MDGA2: variants seen among roughly 807,000 people sequenced by gnomAD.
MDGA2 encodes MAM domain-containing glycosylphosphatidylinositol anchor protein 2.
Under a neutral mutation model 117.8 loss-of-function variants are expected in MDGA2, and 40 were observed. That is an observed-to-expected ratio of 0.34 (90% CI 0.26 to 0.44). The LOEUF (loss-of-function observed/expected upper bound fraction) is 0.44, where lower values mean the gene tolerates loss of function less well. MDGA2 is among the 20% of genes least tolerant of loss of function. MDGA2 has a pLI of 1.00. For missense variants in MDGA2, 1,123 were observed against 1,250.6 expected (o/e 0.90, Z 1.54); for synonymous variants, 452 against 439.0 (o/e 1.03, Z -0.37).
rs1895797132 is a variant in MDGA2, at chr14:47,561,153, G to GGTTTTTTTTTTTTT, written c.280+113363_280+113364insAAAAAAAAAAAAAC. On this transcript the variant is annotated intron_variant, in intron 1 of 16. Transcript: ENST00000399232. ...TACCTCTATCTTTGTTTTTTTTTTT[G>GGTTTTTTTTTTTTT]TTTTGTTTTGTTTTTTTGTTTGTTT... Among the ~76,000 whole-genome samples, 49 of 63,880 alleles carry GGTTTTTTTTTTTTT rather than the reference G, an allele frequency of 7.7e-4. 4 individuals carry two copies. Among genetic ancestry groups the GGTTTTTTTTTTTTT allele is most frequent in the East Asian group, 1.4e-3 (1 of 692 alleles). 41.9% of individuals were successfully genotyped at this position (63,880 alleles called of 152,430 possible). A position where few individuals can be genotyped will look rare whatever the true frequency, so the allele number is the denominator to read the frequency against.
intron 12 of MDGA2, 94 bp downstream of exon 12, chr14:46,877,395 A>C: frequency 4.4e-6 from 3 of 674,348 alleles, no homozygotes; most frequent in Non-Finnish European, 7.2e-6. Context: ...AAACCAACTA[A>C]GAATAGTTAC....
At chr14:47,109,993 T>C (rs182874578) in intron 5 of MDGA2, among the ~76,000 whole-genome samples, 2 of 152,244 alleles carry the variant, frequency 1.3e-5, no homozygotes, top group East Asian at 3.9e-4. Context: ...CTACAAACAC[T>C]GTGAAATAGT....
At chr14:47,205,299 C>T (rs1205625995) in intron 3 of MDGA2, among the ~76,000 whole-genome samples, 1 of 152,060 alleles carries the variant, frequency 6.6e-6, no homozygotes, top group Admixed American at 6.5e-5. Context: ...TTCCCCTCAG[C>T]TTCTGTAACA....
At chr14:46,941,889 T>C (rs1885014223) in intron 9 of MDGA2, among the ~76,000 whole-genome samples, 1 of 152,208 alleles carries the variant, frequency 6.6e-6, no homozygotes, top group African/African-American at 2.4e-5. Flanking sequence ...GAGCAAGCTG[T>C]AAGACACAGT....
chr14:47,180,802 T>A (rs1884671113), intron 3 of MDGA2, among the ~76,000 whole-genome samples: 1 of 152,020 alleles, frequency 6.6e-6, no homozygotes, highest in Non-Finnish European at 1.5e-5. Context: ...GCGCCTGTAG[T>A]CCCAGCAACT....
At chr14:47,205,895 C>A (rs906695482) in intron 3 of MDGA2, among the ~76,000 whole-genome samples, 16 of 151,962 alleles carry the variant, frequency 1.1e-4, no homozygotes, top group South Asian at 2.1e-4. Flanking sequence ...CTGAGTCACA[C>A]AAAATCTGCG....
intron 1 of MDGA2, among the ~76,000 whole-genome samples, chr14:47,549,891 C>T (rs551892519): frequency 1.1e-4 from 17 of 152,286 alleles, no homozygotes; most frequent in Admixed American, 8.5e-4. Context: ...CCCTGATCTG[C>T]GACTTCTGGC....
chr14:47,117,530 G>C (rs1306398192), intron 5 of MDGA2, among the ~76,000 whole-genome samples: 1 of 152,102 alleles, frequency 6.6e-6, no homozygotes, highest in African/African-American at 2.4e-5. Flanking sequence ...AATGAATATA[G>C]AAAATGTGGT....
At chr14:47,168,301 A>C (rs1016453059) in intron 3 of MDGA2, among the ~76,000 whole-genome samples, 1 of 151,628 alleles carries the variant, frequency 6.6e-6, no homozygotes, top group Non-Finnish European at 1.5e-5. Flanking sequence ...AAAAAAAAAA[A>C]AAAACCTTAA....
intron 1 of MDGA2, among the ~76,000 whole-genome samples, chr14:47,640,569 T>C (rs1897405335): frequency 6.6e-6 from 1 of 152,114 alleles, no homozygotes; most frequent in Non-Finnish European, 1.5e-5. Flanking sequence ...TTTTAGCATA[T>C]CATAAAAGCC....
chr14:46,962,967 G>C (rs1339047511), intron 8 of MDGA2, among the ~76,000 whole-genome samples: 1 of 152,180 alleles, frequency 6.6e-6, no homozygotes, highest in African/African-American at 2.4e-5. Flanking sequence ...TAGAGAACAA[G>C]AGTGGTCAAA....
chr14:46,973,417 T>C (rs1886341453), intron 8 of MDGA2, among the ~76,000 whole-genome samples: 1 of 152,116 alleles, frequency 6.6e-6, no homozygotes, highest in African/African-American at 2.4e-5. Context: ...CATAATCCTA[T>C]TGTGCAGCTT....
At chr14:46,936,839 C>A (rs879380476) in intron 9 of MDGA2, among the ~76,000 whole-genome samples, 1 of 151,888 alleles carries the variant, frequency 6.6e-6, no homozygotes, top group Non-Finnish European at 1.5e-5. Context: ...TAACATCATA[C>A]TGAATGAAGA....
At chr14:47,347,033 T>A (rs763667224) in intron 1 of MDGA2, among the ~76,000 whole-genome samples, 19 of 152,164 alleles carry the variant, frequency 1.2e-4, no homozygotes, top group Non-Finnish European at 2.8e-4. Flanking sequence ...ACACAACCAC[T>A]GTGTTTAAGG....
chr14:47,233,762 A>G (rs937010565), intron 2 of MDGA2, among the ~76,000 whole-genome samples: 2 of 152,166 alleles, frequency 1.3e-5, no homozygotes, highest in Non-Finnish European at 2.9e-5. Context: ...TTGACCTGAT[A>G]GTATATTAGA....
At chr14:47,085,717 A>G (rs1315967070) in intron 6 of MDGA2, among the ~76,000 whole-genome samples, 1 of 152,028 alleles carries the variant, frequency 6.6e-6, no homozygotes, top group Non-Finnish European at 1.5e-5. Flanking sequence ...ACAACTTTAT[A>G]TTAATAAACT....
intron 3 of MDGA2, among the ~76,000 whole-genome samples, chr14:47,161,759 C>A (rs561013371): frequency 4.0e-5 from 6 of 151,556 alleles, no homozygotes; most frequent in African/African-American, 1.5e-4. Context: ...CTTTTTATTT[C>A]TTCTTTTCTC....
intron 8 of MDGA2, among the ~76,000 whole-genome samples, chr14:47,026,064 T>C (rs1302963579): frequency 6.6e-6 from 1 of 152,146 alleles, no homozygotes; most frequent in African/African-American, 2.4e-5. Context: ...TGTCACATAA[T>C]ATAACCCAAC....
At position 46,874,044 on chromosome 14, in the gene MDGA2, C is replaced by T; in HGVS notation, c.2593+1G>A. On this transcript the variant is annotated splice_donor_variant, in intron 13 of 16. Coordinates refer to ENST00000399232, the MANE Select transcript of MDGA2 (RefSeq NM_001113498.3). LOFTEE classifies it high-confidence loss of function. Reference sequence around the variant, plus strand: ...GAACACAAAAGGTCATACCCCCATACCTTCTTTGGAGCCACTACGGTCAGC... The same window carrying T: ...GAACACAAAAGGTCATACCCCCATATCTTCTTTGGAGCCACTACGGTCAGC... The T allele has an allele frequency of 6.5e-7, 1 of 1,541,816 alleles. No homozygotes were observed. Among genetic ancestry groups the T allele is most frequent in the Non-Finnish European group, 8.7e-7 (1 of 1,152,098 alleles).
Sources: gnomAD v4.1 joint callset for allele counts (sites outside exome capture counted in the v4.1 genomes callset) on GRCh38, gnomAD v4.1.1 for gene constraint, MANE v1.5 for transcripts, NCBI Gene and HGNC (gene_info 2026-07-23, HGNC 2026-07-21) for gene names.